Variants in CSNK1G2 observed in about 807,000 individuals in gnomAD.
The protein encoded by CSNK1G2 is casein kinase 1 gamma 2.
Under a neutral mutation model 48.0 loss-of-function variants are expected in CSNK1G2, and 11 were observed. That is an observed-to-expected ratio of 0.23 (90% CI 0.14 to 0.38). CSNK1G2 has a LOEUF of 0.38. Ranked by LOEUF, CSNK1G2 falls within the 10% of genes least tolerant of loss-of-function variation. The pLI is 1.00. For synonymous variants in CSNK1G2, 337 were observed against 254.1 expected (o/e 1.33, Z -3.10); for missense variants, 446 against 595.5 (o/e 0.75, Z 2.61).
At chr19:1,977,105 G>A (rs990273706) in intron 2 of CSNK1G2, among the ~76,000 whole-genome samples, 5 of 152,352 alleles carry the variant, frequency 3.3e-5, no homozygotes, top group African/African-American at 1.2e-4. Context: ...CCAACACGGT[G>A]ACCCAGCTGG....
intron 2 of CSNK1G2, among the ~76,000 whole-genome samples, chr19:1,974,322 G>C (rs180950913): frequency 3.3e-5 from 5 of 152,132 alleles, no homozygotes; most frequent in Admixed American, 3.3e-4. Flanking sequence ...AAGGCAGGAC[G>C]GCACAGACCG....
chr19:1,944,124 C>A (rs1371174333), intron 1 of CSNK1G2, among the ~76,000 whole-genome samples: 1 of 152,148 alleles, frequency 6.6e-6, no homozygotes, highest in Admixed American at 6.5e-5. Context: ...GCCTCAAGTC[C>A]TGTGTCCAGC....
chr19:1,960,383 C>T (rs1168969535), intron 1 of CSNK1G2, among the ~76,000 whole-genome samples: 1 of 152,230 alleles, frequency 6.6e-6, no homozygotes, highest in Non-Finnish European at 1.5e-5. Context: ...TCTCGGGCAG[C>T]CTCCAGCCCT....
intron 1 of CSNK1G2, among the ~76,000 whole-genome samples, chr19:1,961,221 G>A (rs1017244983): frequency 1.1e-4 from 17 of 152,252 alleles, no homozygotes; most frequent in African/African-American, 4.1e-4. Flanking sequence ...TCAGGGGGCT[G>A]TTCCCGTGGC....
chr19:1,946,309 T>A (rs1185126214), intron 1 of CSNK1G2, among the ~76,000 whole-genome samples: 1 of 149,426 alleles, frequency 6.7e-6, no homozygotes, highest in Non-Finnish European at 1.5e-5. Flanking sequence ...TTATTTTTTT[T>A]AAGATGGAGT....
chr19:1,967,974 TCCCTCCTCC>T (rs1423615179), intron 1 of CSNK1G2, among the ~76,000 whole-genome samples: 2 of 13,560 alleles, frequency 1.5e-4, no homozygotes, highest in Non-Finnish European at 2.2e-4. Flanking sequence ...GTGGGGCTCC[TCCCTCCTCC>T]CCAGGCTGCC....
At chr19:1,967,507 T>TC (rs1599314912) in intron 1 of CSNK1G2, among the ~76,000 whole-genome samples, 1 of 103,920 alleles carries the variant, frequency 9.6e-6, no homozygotes, top group East Asian at 2.9e-4. Context: ...CGGCAGGATC[T>TC]GTGCAGACAG....
chr19:1,956,935 G>T (rs1180685920), intron 1 of CSNK1G2, among the ~76,000 whole-genome samples: 1 of 152,320 alleles, frequency 6.6e-6, no homozygotes, highest in South Asian at 2.1e-4. Context: ...ATCACTCAGG[G>T]TTTCTCAGCA....
chr19:1,943,815 C>T (rs907448873), intron 1 of CSNK1G2, among the ~76,000 whole-genome samples: 2 of 152,146 alleles, frequency 1.3e-5, no homozygotes, highest in Admixed American at 1.3e-4. Flanking sequence ...CCTTTCTGCA[C>T]CCCCCACCGA....
intron 1 of CSNK1G2, among the ~76,000 whole-genome samples, chr19:1,942,278 C>G (rs530292303): frequency 6.6e-6 from 1 of 152,250 alleles, no homozygotes; most frequent in Non-Finnish European, 1.5e-5. Flanking sequence ...TCCCAACTTT[C>G]TTAGGGGAAG....
chr19:1,978,373 G>A lies in CSNK1G2; in HGVS notation c.228+28G>A, dbSNP rs868374141. 7 of 1,604,486 alleles carry A rather than the reference G, an allele frequency of 4.4e-6. No individual in the cohort carries two copies. The highest frequency in any genetic ancestry group is 2.7e-5 in the African/African-American group (2 of 74,684). Reference sequence around the variant, plus strand: ...GAGTCGGCCCCTCCACCCCACCCCCGCTGACGTGCCCCCCAGGGATTTCAG... The same window carrying A: ...GAGTCGGCCCCTCCACCCCACCCCCACTGACGTGCCCCCCAGGGATTTCAG... On this transcript the variant is annotated intron_variant, in intron 3 of 11. Transcript: ENST00000255641. This position sits in a 1 kb window ranked among gnomAD's most constrained non-coding sequence, Gnocchi z 7.3.
chr19:1,977,633 G>A (rs746058404), intron 2 of CSNK1G2, among the ~76,000 whole-genome samples: 3 of 151,720 alleles, frequency 2.0e-5, no homozygotes, highest in African/African-American at 2.4e-5. Flanking sequence ...CGCACCTGTA[G>A]TCCCAGCTAC....
At chr19:1,961,874 G>T (rs995362238) in intron 1 of CSNK1G2, among the ~76,000 whole-genome samples, 1 of 152,164 alleles carries the variant, frequency 6.6e-6, no homozygotes, top group Non-Finnish European at 1.5e-5. Context: ...GAGGGGCACC[G>T]ACTGCCATCC....
chr19:1,975,083 G>A (rs2015707676), intron 2 of CSNK1G2: 1 of 985,336 alleles, frequency 1.0e-6, no homozygotes, highest in Non-Finnish European at 1.2e-6. Flanking sequence ...ACAGCGGTGG[G>A]GTTCAGGCGA....
rs1010953434 is a variant in CSNK1G2, at chr19:1,951,805, C to T, written c.-266+10387C>T. Among the ~76,000 whole-genome samples, 31 of 147,832 alleles carry T rather than the reference C, an allele frequency of 2.1e-4. 2 individuals carry two copies. The highest frequency in any genetic ancestry group is 6.7e-4 in the African/African-American group (26 of 39,080). On this transcript the variant is annotated intron_variant, in intron 1 of 11. Coordinates refer to ENST00000255641, the MANE Select transcript of CSNK1G2 (RefSeq NM_001319.7). ...ACACCATTCTCTTGCCTCAGCCTCCCGAGCAGCTGGGACCACAGGCGCCCG... is the reference window on the plus strand; with the variant it reads ...ACACCATTCTCTTGCCTCAGCCTCCTGAGCAGCTGGGACCACAGGCGCCCG...
intron 2 of CSNK1G2, among the ~76,000 whole-genome samples, chr19:1,974,334 A>AG: frequency 6.6e-6 from 1 of 152,210 alleles, no homozygotes; most frequent in South Asian, 2.1e-4. Context: ...CACAGACCGG[A>AG]GGGGGCTGGA....
intron 2 of CSNK1G2, among the ~76,000 whole-genome samples, chr19:1,977,847 A>G (rs549922879): frequency 1.3e-5 from 2 of 151,954 alleles, no homozygotes; most frequent in African/African-American, 2.4e-5. Flanking sequence ...GCCCCAGGGA[A>G]CAGGACCTGG....
At chr19:1,968,497 C>G (rs965293131) in intron 1 of CSNK1G2, among the ~76,000 whole-genome samples, 18 of 152,348 alleles carry the variant, frequency 1.2e-4, no homozygotes, top group African/African-American at 4.3e-4. Context: ...GCGACCTGCA[C>G]AGAGTCCCCT....
chr19:1,946,597 T>C lies in CSNK1G2; in HGVS notation c.-266+5179T>C, dbSNP rs183433187. 3.9e-3 allele frequency among the ~76,000 whole-genome samples: 550 copies of C among 142,124 alleles called. 1 individual carries two copies. Among genetic ancestry groups the C allele is most frequent in the Middle Eastern group, 0.019 (5 of 264 alleles). The allele number at this position is 142,124 out of a possible 152,430, so 93.2% of individuals were successfully genotyped here. A position where few individuals can be genotyped will look rare whatever the true frequency, so the allele number is the denominator to read the frequency against. On this transcript the variant is annotated intron_variant, in intron 1 of 11. Transcript: ENST00000255641. ...TGAGCCACCGCGCCCGGCTATTTAT[T>C]TATTTATTTATTATTATTATTATTA...
Sources: allele counts gnomAD v4.1 joint callset (sites outside exome capture counted in the v4.1 genomes callset), GRCh38; gene constraint gnomAD v4.1.1; non-coding constraint Gnocchi (gnomAD v3.1); transcripts MANE v1.5; gene names NCBI Gene and HGNC (gene_info 2026-07-23, HGNC 2026-07-21).